Variants in AGBL1 observed in about 807,000 individuals in gnomAD.
AGBL1 encodes AGBL carboxypeptidase 1.
AGBL1 carries 130 observed loss-of-function variants against 118.9 expected under a neutral mutation model. That is an observed-to-expected ratio of 1.09 (90% CI 0.95 to 1.26). The LOEUF (loss-of-function observed/expected upper bound fraction) is 1.26, where lower values mean the gene tolerates loss of function less well. Among genes scored for constraint, AGBL1 ranks in the 50% most tolerant of loss-of-function variants. The probability of loss-of-function intolerance (pLI) is 0.00; values close to 1 mark genes in which losing one functional copy is unlikely to be tolerated. For missense variants in AGBL1, 1,584 were observed against 1,298.1 expected (o/e 1.22, Z -3.38); for synonymous variants, 555 against 478.9 (o/e 1.16, Z -2.08).
intron 15 of AGBL1, among the ~76,000 whole-genome samples, chr15:86,276,981 CAG>C (rs1339082148): frequency 6.6e-6 from 1 of 152,096 alleles, no homozygotes; most frequent in Non-Finnish European, 1.5e-5. Flanking sequence ...GTGCTGGAAG[CAG>C]AGTCATCTCC....
At chr15:86,275,323 C>A (rs1809523421) in intron 15 of AGBL1, among the ~76,000 whole-genome samples, 1 of 152,148 alleles carries the variant, frequency 6.6e-6, no homozygotes, top group East Asian at 1.9e-4. Context: ...CATCATGCAT[C>A]CTTCCATGGG....
intron 22 of AGBL1, among the ~76,000 whole-genome samples, chr15:86,868,556 G>GTGGTTTAAAACTAGAAATTAA (rs1167759801): frequency 1.3e-5 from 2 of 152,242 alleles, no homozygotes; most frequent in African/African-American, 4.8e-5. Flanking sequence ...TTCGAATCTA[G>GTGGTTTAAAACTAGAAATTAA]TGGTTTAAAA....
At chr15:86,343,007 G>T (rs923782569) in intron 17 of AGBL1, among the ~76,000 whole-genome samples, 6 of 152,024 alleles carry the variant, frequency 3.9e-5, no homozygotes, top group Admixed American at 3.3e-4. Context: ...ATTCAGATTG[G>T]CATATACAGA....
chr15:86,287,836 G>C (rs1466570444), intron 16 of AGBL1, among the ~76,000 whole-genome samples: 1 of 152,156 alleles, frequency 6.6e-6, no homozygotes, highest in Non-Finnish European at 1.5e-5. Context: ...TCAGTCTCTT[G>C]AGAGGTTTAG....
intron 23 of AGBL1, among the ~76,000 whole-genome samples, chr15:86,954,380 G>A (rs552548150): frequency 3.3e-5 from 5 of 152,280 alleles, no homozygotes; most frequent in African/African-American, 1.2e-4. Context: ...ATTCACAATA[G>A]CAATGACACG....
In AGBL1 at chr15:86,637,864, C is replaced by T. The variant is rs2085122883; in HGVS notation, c.2995-36409C>T. 2.0e-5 allele frequency among the ~76,000 whole-genome samples: 3 copies of T among 152,246 alleles called. No individual in the cohort carries two copies. In the South Asian group the frequency reaches 6.2e-4, roughly 32 times the overall value. ...TTTGAGGCAGTGGACATGCTTTCTG[C>T]CTGATCTGTGCTCTTTATAGCATCA... On this transcript the variant is annotated intron_variant, in intron 21 of 22. Coordinates refer to ENST00000614907, the MANE Select transcript of AGBL1 (RefSeq NM_001386094.1).
chr15:86,514,712 CTGTT>C (rs1019081639), intron 18 of AGBL1, among the ~76,000 whole-genome samples: 5 of 152,112 alleles, frequency 3.3e-5, no homozygotes, highest in African/African-American at 1.2e-4. Flanking sequence ...TACCCATTCT[CTGTT>C]TGTTATACCC....
intron 18 of AGBL1, among the ~76,000 whole-genome samples, chr15:86,501,223 T>A (rs1045323322): frequency 6.6e-6 from 1 of 151,746 alleles, no homozygotes; most frequent in East Asian, 1.9e-4. Flanking sequence ...GGTATCTTTT[T>A]GTAATTTTGA....
chr15:86,489,965 A>G lies in AGBL1; in HGVS notation c.2556-32845A>G, dbSNP rs771223660. Reference sequence around the variant, plus strand: ...CAGCAGGCAGGAAAAGTGGAGCAGTATATAAAACATAAAATTATCCTCTTC... The same window carrying G: ...CAGCAGGCAGGAAAAGTGGAGCAGTGTATAAAACATAAAATTATCCTCTTC... On this transcript the variant is annotated intron_variant, in intron 18 of 22. Transcript: ENST00000614907. Among the ~76,000 whole-genome samples the G allele has an allele frequency of 3.9e-5, 6 of 152,120 alleles. 1 individual carries two copies. The East Asian group carries it at 7.7e-4, about 20-fold the overall frequency.
At chr15:86,323,002 T>G (rs2080127833) in intron 17 of AGBL1, among the ~76,000 whole-genome samples, 1 of 152,170 alleles carries the variant, frequency 6.6e-6, no homozygotes, top group East Asian at 1.9e-4. Flanking sequence ...TCCTATTTCC[T>G]GGGATCTGTG....
chr15:86,557,984 G>T (rs1340616026), intron 21 of AGBL1, among the ~76,000 whole-genome samples: 1 of 152,072 alleles, frequency 6.6e-6, no homozygotes, highest in African/African-American at 2.4e-5. Context: ...GCTGGAAAAT[G>T]TGTGGGTGAA....
chr15:86,772,191 GT>G (rs2078191981), intron 22 of AGBL1, among the ~76,000 whole-genome samples: 1 of 151,860 alleles, frequency 6.6e-6, no homozygotes, highest in South Asian at 2.1e-4. Flanking sequence ...TTAAATTGGG[GT>G]TGAGCACCTT....
Position 86,908,563 on chromosome 15 carries a change from C to T in AGBL1, c.*1269C>T, listed in dbSNP as rs750624715. 1 of 152,112 alleles carries T rather than the reference C, an allele frequency of 6.6e-6. No homozygotes were observed. The highest frequency in any genetic ancestry group is 2.4e-5 in the African/African-American group (1 of 41,394). 9.4% of individuals were successfully genotyped at this position (152,112 alleles called of 1,614,324 possible). On this transcript the variant is annotated 3_prime_UTR_variant, in exon 23 of 23. Coordinates refer to ENST00000614907, the MANE Select transcript of AGBL1 (RefSeq NM_001386094.1). ...CAGAATCCAGAATTCTCTGGAGTCA[C>T]ATGGTAGGAAATAGGCCCTCTTACT...
chr15:86,917,452 A>T (rs145181307), downstream of AGBL1, among the ~76,000 whole-genome samples: 1 of 152,268 alleles, frequency 6.6e-6, no homozygotes, highest in Non-Finnish European at 1.5e-5. The surrounding 1 kb of genome is among the most constrained non-coding windows in gnomAD (Gnocchi z 4.8). Flanking sequence ...CAAGAGGGTT[A>T]GGGAAAGGGA....
chr15:86,814,413 T>C (rs1033461267), intron 22 of AGBL1, among the ~76,000 whole-genome samples: 48 of 152,188 alleles, frequency 3.2e-4, no homozygotes, highest in African/African-American at 1.1e-3. Flanking sequence ...GATGGATGGG[T>C]AGGAATTCGG....
chr15:86,652,322 G>C (rs1359705309), intron 21 of AGBL1, among the ~76,000 whole-genome samples: 3 of 152,086 alleles, frequency 2.0e-5, no homozygotes, highest in Non-Finnish European at 4.4e-5. Context: ...CATTTCTGTG[G>C]TTCTTCCAGA....
At chr15:86,298,246 AATATATAT>A (rs59968237) in intron 17 of AGBL1, among the ~76,000 whole-genome samples, 1,907 of 69,820 alleles carry the variant, frequency 0.027, 150 homozygotes, top group African/African-American at 0.068. Flanking sequence ...GTCTGTGTAT[AATATATAT>A]ATATATATAT....
At chr15:86,743,276 A>T (rs1038983664) in intron 22 of AGBL1, among the ~76,000 whole-genome samples, 39 of 152,176 alleles carry the variant, frequency 2.6e-4, no homozygotes, top group African/African-American at 8.9e-4. Flanking sequence ...AACATTTGTT[A>T]TAATGGAAGG....
At chr15:86,138,905 T>C (rs1316269525) in intron 1 of AGBL1, among the ~76,000 whole-genome samples, 1 of 152,196 alleles carries the variant, frequency 6.6e-6, no homozygotes, top group Non-Finnish European at 1.5e-5. Flanking sequence ...GACTTCATTT[T>C]CTTCTGTGAG....
Sources: gnomAD v4.1 joint callset for allele counts (sites outside exome capture counted in the v4.1 genomes callset) on GRCh38, gnomAD v4.1.1 for gene constraint, Gnocchi (gnomAD v3.1) non-coding constraint, MANE v1.5 for transcripts, NCBI Gene and HGNC (gene_info 2026-07-23, HGNC 2026-07-21) for gene names.